FHOD3: variants seen among roughly 807,000 people sequenced by gnomAD.
FHOD3 encodes formin homology 2 domain containing 3.
A neutral mutation model predicts 173.0 loss-of-function variants in FHOD3; 90 were observed. The observed-to-expected ratio is 0.52, with a 90% confidence interval of 0.44 to 0.62. The LOEUF is 0.62. Ranked by LOEUF, FHOD3 falls within the 20% of genes least tolerant of loss-of-function variation. FHOD3 has a pLI of 0.00. For synonymous variants in FHOD3, 828 were observed against 823.0 expected (o/e 1.01, Z -0.10); for missense variants, 1,945 against 2,034.7 (o/e 0.96, Z 0.85).
At chr18:36,560,291 C>T (rs2058040844) in intron 5 of FHOD3, among the ~76,000 whole-genome samples, 1 of 152,188 alleles carries the variant, frequency 6.6e-6, no homozygotes. Flanking sequence ...AGAGCTTCCC[C>T]AAAACATAGT....
At chr18:36,705,084 A>C (rs2039800170) in intron 17 of FHOD3, among the ~76,000 whole-genome samples, 2 of 152,162 alleles carry the variant, frequency 1.3e-5, no homozygotes, top group Admixed American at 6.5e-5. Flanking sequence ...AGCTGTTCCC[A>C]GCAGAAAGCC....
chr18:36,331,303 G>A (rs1311884851), intron 1 of FHOD3, among the ~76,000 whole-genome samples: 1 of 152,198 alleles, frequency 6.6e-6, no homozygotes, highest in African/African-American at 2.4e-5. Context: ...ATTGACAAAA[G>A]AACTGGATTG....
intron 5 of FHOD3, among the ~76,000 whole-genome samples, chr18:36,523,730 G>A (rs1254874473): frequency 6.6e-6 from 1 of 152,190 alleles, no homozygotes; most frequent in Admixed American, 6.5e-5. Context: ...GGGTCAGGTG[G>A]TACTGGATGA....
At chr18:36,399,134 C>T (rs2048686041) in intron 3 of FHOD3, among the ~76,000 whole-genome samples, 1 of 152,182 alleles carries the variant, frequency 6.6e-6, no homozygotes, top group South Asian at 2.1e-4. Context: ...CACTGCTGTT[C>T]TGAAAACAGG....
rs80092711 is a variant in FHOD3 at position 36,625,305 on chromosome 18, T to C, written c.958-206T>C. 0.15 allele frequency among the ~76,000 whole-genome samples: 23,305 copies of C among 152,228 alleles called. 1,955 individuals carry two copies. Among genetic ancestry groups the C allele is most frequent in the African/African-American group, 0.21 (8,803 of 41,534 alleles). On this transcript the variant is annotated intron_variant, in intron 9 of 28. Coordinates refer to ENST00000590592, the MANE Select transcript of FHOD3 (RefSeq NM_001281740.3). The stretch of plus-strand genomic sequence containing the variant: ...TCGTGTCTGTTTGATGGGAAGAACC[T>C]ACAGTGGCAGGCATCTTCCAGTGCC...
intron 19 of FHOD3, among the ~76,000 whole-genome samples, chr18:36,720,827 G>C (rs2040746553): frequency 6.7e-6 from 1 of 150,056 alleles, no homozygotes; most frequent in Non-Finnish European, 1.5e-5. Context: ...TTGCCCACTT[G>C]GCTGGCTGCA....
At chr18:36,699,046 CT>C (rs1283949963) in intron 17 of FHOD3, among the ~76,000 whole-genome samples, 3 of 152,282 alleles carry the variant, frequency 2.0e-5, no homozygotes, top group Middle Eastern at 3.4e-3. Flanking sequence ...ACCCTATCTT[CT>C]AAGAGAAGAC....
At chr18:36,528,020 CT>C (rs1390835294) in intron 5 of FHOD3, among the ~76,000 whole-genome samples, 2 of 152,284 alleles carry the variant, frequency 1.3e-5, no homozygotes, top group East Asian at 1.9e-4. Flanking sequence ...GCCCTTCCCC[CT>C]GACTAGGTGG....
intron 10 of FHOD3, among the ~76,000 whole-genome samples, chr18:36,639,483 A>G (rs540470983): frequency 2.5e-4 from 38 of 151,982 alleles, no homozygotes; most frequent in South Asian, 1.2e-3. Context: ...CCATGGTGAA[A>G]CCCCGTCTCT....
At chr18:36,510,967 C>T (rs906058047) in intron 4 of FHOD3, among the ~76,000 whole-genome samples, 1 of 152,096 alleles carries the variant, frequency 6.6e-6, no homozygotes, top group Admixed American at 6.5e-5. Context: ...ACCTGGTCCC[C>T]CATCCATATA....
intron 2 of FHOD3, among the ~76,000 whole-genome samples, chr18:36,364,863 T>G (rs2046819088): frequency 6.7e-6 from 1 of 149,234 alleles, no homozygotes. Flanking sequence ...AGGCTGGGAG[T>G]GGTGAGCAGG....
chr18:36,578,830 G>A (rs542811850), intron 6 of FHOD3, among the ~76,000 whole-genome samples: 26 of 152,266 alleles, frequency 1.7e-4, no homozygotes, highest in African/African-American at 6.0e-4. Context: ...TCCCATATCC[G>A]TGGGTGACCC....
rs368660916 is a variant in FHOD3, at chr18:36,760,804, C to T, written c.4624+22C>T. On this transcript the variant is annotated intron_variant, in intron 27 of 28. Coordinates refer to ENST00000590592, the MANE Select transcript of FHOD3 (RefSeq NM_001281740.3). ...CGAGGTAACTCCTGGCTGCGCGGGG[C>T]TCGTCTTGTCTTCTCAGGTTGGCCG... 1.9e-4 allele frequency: 300 copies of T among 1,589,008 alleles called. No individual in the cohort carries two copies. The African/African-American group carries it at 3.6e-3, about 19-fold the overall frequency.
chr18:36,318,342 T>C (rs1002467792), intron 1 of FHOD3, among the ~76,000 whole-genome samples: 9 of 152,250 alleles, frequency 5.9e-5, no homozygotes, highest in African/African-American at 2.2e-4. Context: ...AGGATATTGA[T>C]TCTTCCTATA....
At chr18:36,372,636 T>C in intron 2 of FHOD3, 44 bp from the exon 3 acceptor site, 1 of 1,567,410 alleles carries the variant, frequency 6.4e-7, no homozygotes. Flanking sequence ...GAGGTGTCTC[T>C]GCTGACTCCT....
chr18:36,769,266 A>G lies in FHOD3; in HGVS notation c.4626A>G (p.Gly1542=). The part of the protein sequence containing the change: ...GVRTRSRASR[G]STSSWTMGTD... Reference sequence around the variant, plus strand: ...GCACTCTGGCTGTTTAATTTTTAGGATCCACTAGTTCCTGGACTATGGGAA... The same window carrying G: ...GCACTCTGGCTGTTTAATTTTTAGGGTCCACTAGTTCCTGGACTATGGGAA... The change falls in exon 28 of 29, where the codon GGA becomes GGG. Residue 1542 remains glycine, a splice_region_variant and synonymous_variant. Coordinates refer to ENST00000590592, the MANE Select transcript of FHOD3 (RefSeq NM_001281740.3). The G allele has an allele frequency of 6.2e-7, 1 of 1,613,820 alleles. No homozygotes were observed. The highest frequency in any genetic ancestry group is 8.5e-7 in the Non-Finnish European group (1 of 1,179,878).
chr18:36,693,893 A>G (rs779998010), intron 17 of FHOD3, among the ~76,000 whole-genome samples: 1 of 152,188 alleles, frequency 6.6e-6, no homozygotes, highest in Admixed American at 6.5e-5. Flanking sequence ...GTAAATATGG[A>G]AGAAGGAAAA....
chr18:36,492,950 A>G (rs188551325), intron 3 of FHOD3, among the ~76,000 whole-genome samples: 107 of 152,268 alleles, frequency 7.0e-4, no homozygotes, highest in Admixed American at 1.6e-3. Flanking sequence ...CAATCACATC[A>G]TACGGCCAAT....
chr18:36,352,668 C>T (rs1002663311), intron 1 of FHOD3, among the ~76,000 whole-genome samples: 2 of 152,220 alleles, frequency 1.3e-5, no homozygotes, highest in Non-Finnish European at 2.9e-5. Context: ...AGTAGAAACT[C>T]CTTATCCCAG....
Sources: gnomAD v4.1 joint callset for allele counts (sites outside exome capture counted in the v4.1 genomes callset) on GRCh38, gnomAD v4.1.1 for gene constraint, MANE v1.5 for transcripts, NCBI Gene and HGNC (gene_info 2026-07-23, HGNC 2026-07-21) for gene names.